The following RAB18 variants were observed in gnomAD, a reference collection of about 807,000 sequenced individuals.
RAB18 encodes the protein ras-related protein Rab-18.
Under a neutral mutation model 28.5 loss-of-function variants are expected in RAB18, and 10 were observed. That is an observed-to-expected ratio of 0.35 (90% CI 0.22 to 0.60). The LOEUF is 0.60. Ranked by LOEUF, RAB18 falls within the 20% of genes least tolerant of loss-of-function variation. The probability of loss-of-function intolerance (pLI) is 0.78; values close to 1 mark genes in which losing one functional copy is unlikely to be tolerated. For missense variants in RAB18, 188 were observed against 244.2 expected (o/e 0.77, Z 1.53); for synonymous variants, 93 against 86.9 (o/e 1.07, Z -0.39).
At position 27,539,211 on chromosome 10, in the gene RAB18, A is replaced by C. The variant is rs1379915305; in HGVS notation, c.*1160A>C. 2 of 332,832 alleles carry C rather than the reference A, an allele frequency of 6.0e-6. No individual in the cohort carries two copies. Among genetic ancestry groups the C allele is most frequent in the East Asian group, 1.6e-4 (2 of 12,690 alleles). The allele number at this position is 332,832 out of a possible 1,614,324, so 20.6% of individuals were successfully genotyped here. ...TGTATATTGTAGATTTTTTTCATTC[A>C]TGTGTTATTTAATTTACACTGATCT... On this transcript the variant is annotated 3_prime_UTR_variant, in exon 7 of 7. Coordinates refer to ENST00000356940, the MANE Select transcript of RAB18 (RefSeq NM_021252.5).
In RAB18 at chr10:27,540,988, T is replaced by G. The variant is rs2132420848; in HGVS notation, c.*2937T>G. ...AACCATAGTGTCTTTAAGTACAACT[T>G]AATACATATTTTTTCTGTGTATTTT... On this transcript the variant is annotated 3_prime_UTR_variant, in exon 7 of 7. Coordinates refer to ENST00000356940, the MANE Select transcript of RAB18 (RefSeq NM_021252.5). 2.2e-6 allele frequency: 1 copy of G among 453,620 alleles called. No individual in the cohort carries two copies. Among genetic ancestry groups the G allele is most frequent in the South Asian group, 1.6e-5 (1 of 64,308 alleles). The allele number at this position is 453,620 out of a possible 1,614,324, so 28.1% of individuals were successfully genotyped here.
At chr10:27,516,082 T>C (rs2138986608) in intron 2 of RAB18, among the ~76,000 whole-genome samples, 1 of 152,296 alleles carries the variant, frequency 6.6e-6, no homozygotes, top group South Asian at 2.1e-4. Flanking sequence ...GCTTTTCTTT[T>C]GGTGTTATTT....
At chr10:27,530,186 C>T (rs890320218) in intron 3 of RAB18, among the ~76,000 whole-genome samples, 12 of 151,978 alleles carry the variant, frequency 7.9e-5, no homozygotes, top group African/African-American at 2.9e-4. Flanking sequence ...ATAGAATAAA[C>T]TTTCTTCCTG....
At chr10:27,514,730 TAAAC>T (rs1382090109) in intron 2 of RAB18, among the ~76,000 whole-genome samples, 7 of 151,766 alleles carry the variant, frequency 4.6e-5, no homozygotes, top group Non-Finnish European at 5.9e-5. Flanking sequence ...GACATAAAAA[TAAAC>T]ATTCATACAC....
chr10:27,523,590 C>T (rs1315528105), intron 2 of RAB18, among the ~76,000 whole-genome samples: 1 of 148,962 alleles, frequency 6.7e-6, no homozygotes, highest in African/African-American at 2.5e-5. Context: ...TATTTTTCAT[C>T]TCAGACATTG....
chr10:27,504,966 A>C (rs754585512), intron 1 of RAB18: 1 of 532,940 alleles, frequency 1.9e-6, no homozygotes, highest in South Asian at 1.4e-5. Flanking sequence ...CGATTCTTTT[A>C]CTTTTTTATT....
chr10:27,519,921 G>C (rs1485384617), intron 2 of RAB18, among the ~76,000 whole-genome samples: 2 of 151,996 alleles, frequency 1.3e-5, no homozygotes, highest in African/African-American at 4.8e-5. Flanking sequence ...ATTAGCCATG[G>C]GTTTTTCATA....
chr10:27,514,471 A>C (rs546854468), intron 2 of RAB18, among the ~76,000 whole-genome samples: 1 of 152,206 alleles, frequency 6.6e-6, no homozygotes, highest in Non-Finnish European at 1.5e-5. Flanking sequence ...AAATAAAACT[A>C]TTACTGAAAT....
Position 27,539,655 on chromosome 10 carries a change from G to A in RAB18, c.*1604G>A. 1 of 453,446 alleles carries A rather than the reference G, an allele frequency of 2.2e-6. No homozygotes were observed. The highest frequency in any genetic ancestry group is 4.4e-6 in the Non-Finnish European group (1 of 226,558). The allele number at this position is 453,446 out of a possible 1,614,324, so 28.1% of individuals were successfully genotyped here. ...ATGTAGAGTCTGTATTGACAAGACT[G>A]TTGTTTTTTGCTCCTTGAGCTATAT... On this transcript the variant is annotated 3_prime_UTR_variant, in exon 7 of 7. Coordinates refer to ENST00000356940, the MANE Select transcript of RAB18 (RefSeq NM_021252.5).
intron 1 of RAB18, chr10:27,504,908 G>A (rs1447630357): frequency 9.8e-6 from 5 of 509,018 alleles, no homozygotes; most frequent in Non-Finnish European, 2.0e-5. Context: ...GGGAAGTTTC[G>A]TGACGCCTTA....
intron 1 of RAB18, among the ~76,000 whole-genome samples, chr10:27,508,581 C>G (rs1301481268): frequency 6.6e-6 from 1 of 152,030 alleles, no homozygotes; most frequent in East Asian, 1.9e-4. Flanking sequence ...GTATTGTTAC[C>G]TATGTTCCAA....
chr10:27,515,744 A>ATTT (rs374406868), intron 2 of RAB18, among the ~76,000 whole-genome samples: 1 of 151,478 alleles, frequency 6.6e-6, no homozygotes, highest in African/African-American at 2.4e-5. Context: ...AAAAAAAAAA[A>ATTT]TTTTTTTTCA....
chr10:27,520,094 A>G (rs917039440), intron 2 of RAB18, among the ~76,000 whole-genome samples: 1 of 152,076 alleles, frequency 6.6e-6, no homozygotes, highest in African/African-American at 2.4e-5. Context: ...ACTTTGATTC[A>G]TTTTTCTTAA....
Position 27,504,343 on chromosome 10 carries a change from C to G in RAB18, c.-27C>G, listed in dbSNP as rs755540746. 5 of 1,565,730 alleles carry G rather than the reference C, an allele frequency of 3.2e-6. No homozygotes were observed. The highest frequency in any genetic ancestry group is 1.2e-5 in the South Asian group (1 of 85,138). On this transcript the variant is annotated 5_prime_UTR_variant, in exon 1 of 7. Transcript: ENST00000356940. Reference sequence around the variant, plus strand: ...CTGAGAGGCGCACCCGGGCGGCCAGCTGGGCTCGGAGCGGAACGGGGTCAG... The same window carrying G: ...CTGAGAGGCGCACCCGGGCGGCCAGGTGGGCTCGGAGCGGAACGGGGTCAG...
intron 6 of RAB18, among the ~76,000 whole-genome samples, chr10:27,536,499 C>G (rs1475237371): frequency 6.6e-6 from 1 of 152,168 alleles, no homozygotes; most frequent in Non-Finnish European, 1.5e-5. Context: ...GGAGCTCCCA[C>G]TGCACTCCAG....
chr10:27,511,406 A>G (rs1321844901), intron 2 of RAB18, among the ~76,000 whole-genome samples: 2 of 151,946 alleles, frequency 1.3e-5, no homozygotes, highest in Non-Finnish European at 1.5e-5. Flanking sequence ...GGGGTTTACC[A>G]TGTTGGCCAG....
intron 3 of RAB18, among the ~76,000 whole-genome samples, chr10:27,530,613 A>AT (rs1267701520): frequency 2.0e-5 from 3 of 152,002 alleles, no homozygotes; most frequent in South Asian, 4.1e-4. Flanking sequence ...AAAAATATAC[A>AT]TTTTTTATTG....
intron 3 of RAB18, among the ~76,000 whole-genome samples, chr10:27,528,592 C>T (rs906007844): frequency 1.3e-5 from 2 of 152,168 alleles, no homozygotes; most frequent in South Asian, 4.1e-4. Flanking sequence ...GTGCTGTATC[C>T]GTTTAGATGG....
intron 2 of RAB18, among the ~76,000 whole-genome samples, chr10:27,515,213 A>G (rs530454789): frequency 1.8e-4 from 28 of 152,314 alleles, no homozygotes; most frequent in South Asian, 6.2e-4. Context: ...GGTAGCATAG[A>G]TGGAATTGGT....
Sources: gnomAD v4.1 joint callset for allele counts (sites outside exome capture counted in the v4.1 genomes callset) on GRCh38, gnomAD v4.1.1 for gene constraint, MANE v1.5 for transcripts, NCBI Gene and HGNC (gene_info 2026-07-23, HGNC 2026-07-21) for gene names.